The following LRRC1 variants were observed in gnomAD, a reference collection of about 807,000 sequenced individuals.
LRRC1 encodes leucine-rich repeat-containing protein 1.
In LRRC1, 28 loss-of-function variants were observed where a neutral mutation model predicts 69.9. That is an observed-to-expected ratio of 0.40 (90% CI 0.30 to 0.55). The LOEUF (loss-of-function observed/expected upper bound fraction) is 0.55, where lower values mean the gene tolerates loss of function less well. LRRC1 is among the 20% of genes least tolerant of loss of function. The pLI is 0.47. For missense variants in LRRC1, 498 were observed against 609.0 expected (o/e 0.82, Z 1.92); for synonymous variants, 236 against 240.2 (o/e 0.98, Z 0.16).
intron 8 of LRRC1, 146 bp downstream of exon 8, chr6:53,900,037 T>TG (rs1310916129): frequency 1.5e-6 from 1 of 676,962 alleles, no homozygotes; most frequent in Non-Finnish European, 2.2e-6. Context: ...TTTTTTTTTT[T>TG]TTTTTTTTTT....
chr6:53,840,600 C>T (rs1297981135), intron 1 of LRRC1, among the ~76,000 whole-genome samples: 1 of 152,020 alleles, frequency 6.6e-6, no homozygotes, highest in Non-Finnish European at 1.5e-5. Context: ...ATTAGTTTTC[C>T]TCTCTTTTTT....
intron 4 of LRRC1, among the ~76,000 whole-genome samples, chr6:53,887,201 G>A (rs1767515472): frequency 6.6e-6 from 1 of 151,962 alleles, no homozygotes; most frequent in Non-Finnish European, 1.5e-5. Flanking sequence ...AAAAAAAACA[G>A]CTTCTGTTGC....
At chr6:53,864,900 A>C (rs1044182102) in intron 2 of LRRC1, among the ~76,000 whole-genome samples, 1 of 152,110 alleles carries the variant, frequency 6.6e-6, no homozygotes, top group Non-Finnish European at 1.5e-5. Context: ...TTCTTTGAGC[A>C]ATCGATAGTT....
At chr6:53,831,863 G>A (rs1365251653) in intron 1 of LRRC1, among the ~76,000 whole-genome samples, 1 of 152,164 alleles carries the variant, frequency 6.6e-6, no homozygotes, top group Non-Finnish European at 1.5e-5. Flanking sequence ...TTTGCTTAAG[G>A]AGATTAAAAA....
intron 1 of LRRC1, among the ~76,000 whole-genome samples, chr6:53,830,902 C>G (rs1765407953): frequency 7.0e-6 from 1 of 143,208 alleles, no homozygotes; most frequent in South Asian, 2.3e-4. Context: ...ATGGTTTTTG[C>G]CATTATCTTC....
intron 3 of LRRC1, among the ~76,000 whole-genome samples, 162 bp from the exon 4 acceptor site, chr6:53,882,725 C>T (rs918024580): frequency 7.2e-5 from 11 of 152,078 alleles, no homozygotes; most frequent in Admixed American, 2.6e-4. Flanking sequence ...TCCTTACAAG[C>T]GTCTTATATA....
chr6:53,899,433 T>A (rs1767974127), intron 7 of LRRC1, among the ~76,000 whole-genome samples: 1 of 152,236 alleles, frequency 6.6e-6, no homozygotes, highest in Non-Finnish European at 1.5e-5. Context: ...GCCTCCTTTT[T>A]CTTTTCTAAT....
intron 1 of LRRC1, among the ~76,000 whole-genome samples, chr6:53,837,482 G>A (rs566262043): frequency 3.9e-5 from 6 of 152,270 alleles, no homozygotes; most frequent in Admixed American, 2.6e-4. Context: ...TATGTGATAG[G>A]TTAGAATGTC....
chr6:53,839,897 T>C (rs6926478), intron 1 of LRRC1, among the ~76,000 whole-genome samples: 129,176 of 152,148 alleles, frequency 0.85, 54,933 homozygotes, highest in East Asian at 0.96. Context: ...AGTTGCAAAT[T>C]TCCTTTGATA....
intron 7 of LRRC1, among the ~76,000 whole-genome samples, chr6:53,897,718 T>G (rs756887806): frequency 3.9e-5 from 6 of 152,204 alleles, no homozygotes; most frequent in Non-Finnish European, 8.8e-5. Flanking sequence ...ATGTGCCAAG[T>G]GCTTTGGGAT....
Position 53,919,552 on chromosome 6 carries a change from A to G in LRRC1, c.1161A>G (p.Leu387=), listed in dbSNP as rs1768676864. The change falls in exon 12 of 14, where the codon CTA becomes CTG. Residue 387 remains leucine, a synonymous_variant. Transcript: ENST00000370888. ...CCTTGAAGTTGAAGGCTCTGTGGCT[A>G]TCTGACAACCAGTCCCAGCCCCTGC... ...LTALKLKALW[L]SDNQSQPLLT... 1 of 1,612,548 alleles carries G rather than the reference A, an allele frequency of 6.2e-7. No homozygotes were observed. The highest frequency in any genetic ancestry group is 8.5e-7 in the Non-Finnish European group (1 of 1,179,606).
Position 53,858,130 on chromosome 6 carries a change from G to T in LRRC1, c.277+15903G>T, listed in dbSNP as rs76650906. Reference sequence around the variant, plus strand: ...GGTCGTTGGCCATGGTTAGGACCAGGGTGGTCTCTGGCCATTTCAGGTATG... The same window carrying T: ...GGTCGTTGGCCATGGTTAGGACCAGTGTGGTCTCTGGCCATTTCAGGTATG... On this transcript the variant is annotated intron_variant, in intron 2 of 13. Transcript: ENST00000370888. Among the ~76,000 whole-genome samples, 1,101 of 152,272 alleles carry T rather than the reference G, an allele frequency of 7.2e-3. 4 individuals are homozygous for T. The highest frequency in any genetic ancestry group is 0.01 in the Non-Finnish European group (711 of 68,018).
intron 1 of LRRC1, among the ~76,000 whole-genome samples, chr6:53,822,286 G>A (rs2127409280): frequency 6.6e-6 from 1 of 152,286 alleles, no homozygotes; most frequent in South Asian, 2.1e-4. Context: ...TGCTTCTTTA[G>A]TGTTTAAACA....
chr6:53,842,062 A>G (rs1469627143), intron 1 of LRRC1, 48 bp from the exon 2 acceptor site: 13 of 1,215,098 alleles, frequency 1.1e-5, no homozygotes, highest in East Asian at 4.7e-5. Flanking sequence ...CCAAAAGTTT[A>G]TGATACAAAC....
chr6:53,803,984 C>T (rs1289399324), intron 1 of LRRC1, among the ~76,000 whole-genome samples: 1 of 152,126 alleles, frequency 6.6e-6, no homozygotes, highest in Non-Finnish European at 1.5e-5. Context: ...GTTGTGAGGG[C>T]CAGAAAGGGG....
chr6:53,803,956 G>A (rs1009035170), intron 1 of LRRC1, among the ~76,000 whole-genome samples: 9 of 152,140 alleles, frequency 5.9e-5, no homozygotes, highest in Admixed American at 3.3e-4. Context: ...AGAACCAGGC[G>A]CCTGAGTCAA....
intron 12 of LRRC1, 58 bp downstream of exon 12, chr6:53,919,728 T>C: frequency 6.7e-7 from 1 of 1,498,982 alleles, no homozygotes; most frequent in South Asian, 1.2e-5. Flanking sequence ...GGACCTAATG[T>C]CTGTCCATAA....
At chr6:53,896,729 A>G in intron 5 of LRRC1, 100 bp from the exon 6 acceptor site, 3 of 997,262 alleles carry the variant, frequency 3.0e-6, no homozygotes, top group Non-Finnish European at 4.6e-6. Flanking sequence ...ATAAAAATAA[A>G]AATGGACCTT....
At chr6:53,864,503 C>T (rs1766633193) in intron 2 of LRRC1, among the ~76,000 whole-genome samples, 2 of 152,284 alleles carry the variant, frequency 1.3e-5, no homozygotes, top group Middle Eastern at 6.8e-3. Context: ...TCCTCGGCCA[C>T]GAGGCAGATG....
Sources: allele counts gnomAD v4.1 joint callset (sites outside exome capture counted in the v4.1 genomes callset), GRCh38; gene constraint gnomAD v4.1.1; transcripts MANE v1.5; gene names NCBI Gene and HGNC (gene_info 2026-07-23, HGNC 2026-07-21).